CNTNAP5: variants seen among roughly 807,000 people sequenced by gnomAD.
The protein encoded by CNTNAP5 is contactin-associated protein-like 5.
A neutral mutation model predicts 150.2 loss-of-function variants in CNTNAP5; 72 were observed. The ratio of observed to expected loss-of-function variants is 0.48; its 90% CI spans 0.40 to 0.58. CNTNAP5 has a LOEUF of 0.58. Ranked by LOEUF, CNTNAP5 falls within the 20% of genes least tolerant of loss-of-function variation. CNTNAP5 has a pLI of 0.00. For synonymous variants in CNTNAP5, 672 were observed against 619.8 expected (o/e 1.08, Z -1.25); for missense variants, 1,636 against 1,626.2 (o/e 1.01, Z -0.10).
At chr2:124,896,234 T>G (rs895519137) in intron 21 of CNTNAP5, among the ~76,000 whole-genome samples, 7 of 151,524 alleles carry the variant, frequency 4.6e-5, no homozygotes, top group African/African-American at 1.7e-4. Context: ...AAAGAAAATA[T>G]GTTTATCAAG....
intron 17 of CNTNAP5, among the ~76,000 whole-genome samples, chr2:124,786,398 AGAAGGAAGGAAGGAAGGAAGGAAG>A (rs773411166): frequency 8.8e-4 from 40 of 45,212 alleles, no homozygotes; most frequent in African/African-American, 1.3e-3. Flanking sequence ...AAAGAAAGAA[AGAAGGAAGGAAGGAAGGAAGGAAG>A]GAAGGAAGGA....
intron 10 of CNTNAP5, among the ~76,000 whole-genome samples, 165 bp downstream of exon 10, chr2:124,527,621 A>G (rs1336190889): frequency 2.0e-5 from 3 of 152,158 alleles, no homozygotes; most frequent in African/African-American, 7.2e-5. Flanking sequence ...GGCCCAGAGA[A>G]AAAATGGTTT....
At chr2:124,398,304 C>T (rs1045624643) in intron 3 of CNTNAP5, among the ~76,000 whole-genome samples, 1 of 152,084 alleles carries the variant, frequency 6.6e-6, no homozygotes, top group Non-Finnish European at 1.5e-5. Flanking sequence ...CCAGCTTAAA[C>T]ACAGAGGTTG....
intron 8 of CNTNAP5, among the ~76,000 whole-genome samples, chr2:124,506,094 G>T: frequency 6.6e-6 from 1 of 151,656 alleles, no homozygotes; most frequent in East Asian, 1.9e-4. Flanking sequence ...AGTTTATTTG[G>T]GCCAAGCTTG....
chr2:124,807,124 G>A lies in CNTNAP5; in HGVS notation c.3217+8804G>A, dbSNP rs544876613. Reference sequence around the variant, plus strand: ...TCTTGAGATGTGAAACAAATTCAATGAAAGGCCTGAGCTCAGGGCTTATTC... The same window carrying A: ...TCTTGAGATGTGAAACAAATTCAATAAAAGGCCTGAGCTCAGGGCTTATTC... On this transcript the variant is annotated intron_variant, in intron 19 of 23. Transcript: ENST00000682447. Among the ~76,000 whole-genome samples the A allele has an allele frequency of 2.6e-5, 4 of 152,200 alleles. No individual in the cohort carries two copies. In the South Asian group the frequency reaches 6.2e-4, roughly 24 times the overall value.
intron 4 of CNTNAP5, among the ~76,000 whole-genome samples, chr2:124,430,376 A>G: frequency 6.6e-6 from 1 of 152,212 alleles, no homozygotes; most frequent in East Asian, 1.9e-4. Context: ...ATGTGTTTAA[A>G]TGAGTTCCTG....
At chr2:124,735,615 C>G (rs1680365888) in intron 13 of CNTNAP5, among the ~76,000 whole-genome samples, 2 of 152,080 alleles carry the variant, frequency 1.3e-5, no homozygotes, top group Admixed American at 6.6e-5. Flanking sequence ...GATTCAAGAA[C>G]AAGTGCTGTG....
chr2:124,107,542 A>T (rs966720410), intron 1 of CNTNAP5, among the ~76,000 whole-genome samples: 1 of 152,206 alleles, frequency 6.6e-6, no homozygotes, highest in Non-Finnish European at 1.5e-5. Flanking sequence ...TGGATTTTTT[A>T]AATTTTAATA....
chr2:124,497,852 C>A (rs1694188731), intron 7 of CNTNAP5, among the ~76,000 whole-genome samples: 1 of 152,134 alleles, frequency 6.6e-6, no homozygotes, highest in African/African-American at 2.4e-5. Context: ...TTGTGTCTAT[C>A]AGCAGAGCAG....
At chr2:124,106,225 T>C (rs1683169563) in intron 1 of CNTNAP5, among the ~76,000 whole-genome samples, 1 of 152,202 alleles carries the variant, frequency 6.6e-6, no homozygotes, top group Non-Finnish European at 1.5e-5. Flanking sequence ...TAAATAAATA[T>C]GTGGGCTTTG....
chr2:124,242,086 TG>T lies in CNTNAP5; in HGVS notation c.188-109del, dbSNP rs568242689. The T allele has an allele frequency of 7.1e-3, 5,642 of 792,908 alleles. 115 individuals carry two copies. Among genetic ancestry groups the T allele is most frequent in the Non-Finnish European group, 5.2e-3 (2,575 of 490,644 alleles). The allele number at this position is 792,908 out of a possible 1,614,324, so 49.1% of individuals were successfully genotyped here. ...GAGGCAGGGAAGAGTAGGGCCCATT[TG>T]GGGGTAGAGTCATCTTAGTTGAACA... On this transcript the variant is annotated intron_variant, in intron 2 of 23. Transcript: ENST00000682447.
intron 1 of CNTNAP5, among the ~76,000 whole-genome samples, chr2:124,191,508 T>C (rs988142454): frequency 3.9e-5 from 6 of 152,154 alleles, no homozygotes; most frequent in Admixed American, 3.3e-4. Context: ...ATATCATATG[T>C]ATAGTCAAGT....
chr2:124,428,209 G>A (rs1234167446), intron 4 of CNTNAP5, among the ~76,000 whole-genome samples: 1 of 152,056 alleles, frequency 6.6e-6, no homozygotes, highest in Non-Finnish European at 1.5e-5. Context: ...CAGCCTGACT[G>A]CCTCTTATGT....
At chr2:124,310,094 T>A (rs1688788075) in intron 3 of CNTNAP5, among the ~76,000 whole-genome samples, 1 of 151,620 alleles carries the variant, frequency 6.6e-6, no homozygotes, top group Non-Finnish European at 1.5e-5. Context: ...TTCAGGGAGA[T>A]GGAGTGGTTC....
chr2:124,630,043 C>G (rs1406340539), intron 12 of CNTNAP5, among the ~76,000 whole-genome samples: 1 of 150,112 alleles, frequency 6.7e-6, no homozygotes, highest in Admixed American at 6.6e-5. Context: ...CTGAATAGAC[C>G]AATATCAAGT....
chr2:124,127,370 T>A (rs1200778715), intron 1 of CNTNAP5, among the ~76,000 whole-genome samples: 1 of 152,128 alleles, frequency 6.6e-6, no homozygotes, highest in Non-Finnish European at 1.5e-5. Context: ...AAGGACCTTT[T>A]CAAGGAGAAC....
chr2:124,243,257 G>A lies in CNTNAP5; in HGVS notation c.381+864G>A, dbSNP rs73952928. On this transcript the variant is annotated intron_variant, in intron 3 of 23. Coordinates refer to ENST00000682447, the MANE Select transcript of CNTNAP5 (RefSeq NM_001367498.1). ...AAATGTGTGTAAAATGTGAAGATAC[G>A]GAAATTAATAGCATATTCTTTCCTT... Among the ~76,000 whole-genome samples, 812 of 152,204 alleles carry A rather than the reference G, an allele frequency of 5.3e-3. 10 individuals carry two copies. The highest frequency in any genetic ancestry group is 0.018 in the African/African-American group (764 of 41,542).
chr2:124,370,750 T>A (rs1226096353), intron 3 of CNTNAP5, among the ~76,000 whole-genome samples: 1 of 152,110 alleles, frequency 6.6e-6, no homozygotes, highest in East Asian at 1.9e-4. Context: ...ATGGGGGACA[T>A]AAGGGAGGAA....
chr2:124,162,981 T>A (rs1684722558), intron 1 of CNTNAP5, among the ~76,000 whole-genome samples: 1 of 150,472 alleles, frequency 6.6e-6, no homozygotes, highest in Non-Finnish European at 1.5e-5. Context: ...TCCCTTGAAG[T>A]TGACAAAAAA....
Sources: allele counts gnomAD v4.1 joint callset (sites outside exome capture counted in the v4.1 genomes callset), GRCh38; gene constraint gnomAD v4.1.1; transcripts MANE v1.5; gene names NCBI Gene and HGNC (gene_info 2026-07-23, HGNC 2026-07-21).